The following KCNQ3 variants were observed in gnomAD, a reference collection of about 807,000 sequenced individuals.
The protein encoded by KCNQ3 is potassium voltage-gated channel subfamily Q member 3.
KCNQ3 carries 30 observed loss-of-function variants against 92.5 expected under a neutral mutation model. That is an observed-to-expected ratio of 0.32 (90% CI 0.24 to 0.44). The LOEUF is 0.44. KCNQ3 is among the 20% of genes least tolerant of loss of function. The pLI is 1.00. For synonymous variants in KCNQ3, 450 were observed against 468.8 expected (o/e 0.96, Z 0.52); for missense variants, 913 against 1,140.3 (o/e 0.80, Z 2.87).
At position 132,459,727 on chromosome 8, in the gene KCNQ3, C is replaced by A. The variant is rs538238031; in HGVS notation, c.386+20420G>T. Among the ~76,000 whole-genome samples, 5 of 149,882 alleles carry A rather than the reference C, an allele frequency of 3.3e-5. No homozygotes were observed. In the East Asian group the frequency reaches 9.8e-4, roughly 29 times the overall value. ...ACAGGTTCCTCCATTATAAAGTTTT[C>A]TTTTTCTTGTTTTTTTTTTTTTTTA... On this transcript the variant is annotated intron_variant, in intron 1 of 14. Coordinates refer to ENST00000388996, the MANE Select transcript of KCNQ3 (RefSeq NM_004519.4).
intron 9 of KCNQ3, among the ~76,000 whole-genome samples, chr8:132,153,424 A>G (rs997915990): frequency 2.0e-5 from 3 of 152,184 alleles, no homozygotes; most frequent in Non-Finnish European, 2.9e-5. Context: ...GCTTATGATA[A>G]GGAGTCCATG....
At chr8:132,181,358 T>C (rs1287814623) in intron 3 of KCNQ3, among the ~76,000 whole-genome samples, 1 of 152,200 alleles carries the variant, frequency 6.6e-6, no homozygotes, top group Non-Finnish European at 1.5e-5. Context: ...TTAAATGGGT[T>C]TTACAAAATT....
chr8:132,169,141 C>T (rs1826231284), intron 8 of KCNQ3, among the ~76,000 whole-genome samples: 1 of 152,174 alleles, frequency 6.6e-6, no homozygotes, highest in Non-Finnish European at 1.5e-5. Flanking sequence ...CTGAAAGTAG[C>T]CTGGGAGTTT....
chr8:132,171,583 C>A (rs1391625303), intron 7 of KCNQ3, among the ~76,000 whole-genome samples: 1 of 152,228 alleles, frequency 6.6e-6, no homozygotes, highest in Non-Finnish European at 1.5e-5. Flanking sequence ...GCATGTCCAA[C>A]ATCCTCTGGT....
chr8:132,303,458 A>G (rs1817286884), intron 1 of KCNQ3, among the ~76,000 whole-genome samples: 1 of 149,408 alleles, frequency 6.7e-6, no homozygotes, highest in Non-Finnish European at 1.5e-5. Flanking sequence ...TCATGGAGAA[A>G]GGGAGAGTTT....
At chr8:132,371,018 A>G (rs1160986113) in intron 1 of KCNQ3, among the ~76,000 whole-genome samples, 2 of 151,972 alleles carry the variant, frequency 1.3e-5, no homozygotes, top group Non-Finnish European at 2.9e-5. Flanking sequence ...GGTTCTGTGC[A>G]CTCCCCATTT....
chr8:132,369,222 TG>T (rs1416767890), intron 1 of KCNQ3, among the ~76,000 whole-genome samples: 3 of 152,204 alleles, frequency 2.0e-5, no homozygotes, highest in Non-Finnish European at 4.4e-5. Context: ...TTCACCTGGC[TG>T]GGGTTGTGTT....
At chr8:132,446,814 G>C (rs1821689119) in intron 1 of KCNQ3, among the ~76,000 whole-genome samples, 1 of 152,130 alleles carries the variant, frequency 6.6e-6, no homozygotes, top group African/African-American at 2.4e-5. Context: ...ACTACCAAAG[G>C]CTTGTTACAA....
At chr8:132,309,654 C>T (rs1367767520) in intron 1 of KCNQ3, among the ~76,000 whole-genome samples, 3 of 152,224 alleles carry the variant, frequency 2.0e-5, no homozygotes, top group Non-Finnish European at 4.4e-5. Flanking sequence ...CCCCTCACCA[C>T]ATGTCAGCTA....
At position 132,337,179 on chromosome 8, in the gene KCNQ3, G is replaced by C. The variant is rs138481724; in HGVS notation, c.386+142968C>G. Reference sequence around the variant, plus strand: ...CCATGGAACATCCTGGGGCATAAAGGTTTCTCAAGTCAAGAACTGTAAGGC... The same window carrying C: ...CCATGGAACATCCTGGGGCATAAAGCTTTCTCAAGTCAAGAACTGTAAGGC... On this transcript the variant is annotated intron_variant, in intron 1 of 14. Coordinates refer to ENST00000388996, the MANE Select transcript of KCNQ3 (RefSeq NM_004519.4). Among the ~76,000 whole-genome samples, 791 of 152,318 alleles carry C rather than the reference G, an allele frequency of 5.2e-3. 9 individuals are homozygous for C. The highest frequency in any genetic ancestry group is 0.018 in the African/African-American group (746 of 41,576).
chr8:132,319,524 C>T (rs1817840344), intron 1 of KCNQ3, among the ~76,000 whole-genome samples: 1 of 152,150 alleles, frequency 6.6e-6, no homozygotes, highest in African/African-American at 2.4e-5. Context: ...GAACAGAGAC[C>T]AAAGGCAGAT....
chr8:132,170,611 C>T (rs1166703619), intron 7 of KCNQ3, among the ~76,000 whole-genome samples, 183 bp from the exon 8 acceptor site: 1 of 152,094 alleles, frequency 6.6e-6, no homozygotes, highest in Admixed American at 6.6e-5. Flanking sequence ...GAAAAACTTC[C>T]TTGACCATCT....
At chr8:132,339,472 A>T (rs186415465) in intron 1 of KCNQ3, among the ~76,000 whole-genome samples, 1,747 of 151,252 alleles carry the variant, frequency 0.012, 24 homozygotes, top group African/African-American at 0.039. Context: ...TGGTTTCTTT[A>T]AAAAAAAACA....
intron 1 of KCNQ3, among the ~76,000 whole-genome samples, chr8:132,331,205 G>A (rs149138341): frequency 1.3e-5 from 2 of 152,318 alleles, no homozygotes; most frequent in Non-Finnish European, 2.9e-5. Context: ...TCTGTACACT[G>A]CAGATGAGGA....
intron 9 of KCNQ3, among the ~76,000 whole-genome samples, chr8:132,150,046 C>T (rs1825587799): frequency 6.6e-6 from 1 of 151,838 alleles, no homozygotes; most frequent in African/African-American, 2.4e-5. Context: ...TTTCTCTACC[C>T]TGTCAGCAGA....
intron 1 of KCNQ3, among the ~76,000 whole-genome samples, chr8:132,375,290 T>A (rs960993587): frequency 1.3e-5 from 2 of 152,208 alleles, no homozygotes; most frequent in African/African-American, 4.8e-5. Flanking sequence ...CATATATTTA[T>A]GAAAAAATCA....
At chr8:132,220,905 T>C (rs1016320578) in intron 1 of KCNQ3, among the ~76,000 whole-genome samples, 2 of 152,118 alleles carry the variant, frequency 1.3e-5, no homozygotes, top group African/African-American at 4.8e-5. Flanking sequence ...CATGTTGTGT[T>C]TGCTGCACCC....
chr8:132,390,466 T>C (rs147679884), intron 1 of KCNQ3, among the ~76,000 whole-genome samples: 51 of 152,278 alleles, frequency 3.3e-4, no homozygotes, highest in African/African-American at 1.2e-3. Context: ...TAAAAAATGA[T>C]ATTAAAGCAA....
chr8:132,180,835 T>TTA (rs1826735880), intron 3 of KCNQ3, among the ~76,000 whole-genome samples: 1 of 143,572 alleles, frequency 7.0e-6, no homozygotes, highest in South Asian at 2.2e-4. Flanking sequence ...GAGAGAATGT[T>TTA]AAAAAAAAAA....
Sources: allele counts gnomAD v4.1 joint callset (sites outside exome capture counted in the v4.1 genomes callset), GRCh38; gene constraint gnomAD v4.1.1; transcripts MANE v1.5; gene names NCBI Gene and HGNC (gene_info 2026-07-23, HGNC 2026-07-21).